Variants in DACH1 observed in about 807,000 individuals in gnomAD.
DACH1 encodes dachshund family transcription factor 1, also known as dachshund homolog 1.
Under a neutral mutation model 54.2 loss-of-function variants are expected in DACH1, and 12 were observed. The ratio of observed to expected loss-of-function variants is 0.22; its 90% CI spans 0.14 to 0.36. The LOEUF is 0.36. Among genes scored for constraint, DACH1 ranks in the 10% least tolerant of loss-of-function variants. DACH1 has a pLI of 1.00. For synonymous variants in DACH1, 386 were observed against 366.2 expected, an observed-to-expected ratio of 1.05 and a Z score of -0.62; for missense variants, 805 against 929.8, an observed-to-expected ratio of 0.87 and a Z score of 1.75.
chr13:71,826,189 C>A (rs1187694479), intron 1 of DACH1, among the ~76,000 whole-genome samples: 2 of 152,016 alleles, frequency 1.3e-5, no homozygotes, highest in African/African-American at 4.8e-5. Flanking sequence ...AACATATTTG[C>A]CAACTTTATC....
intron 6 of DACH1, among the ~76,000 whole-genome samples, chr13:71,515,229 T>C (rs2138267083): frequency 6.6e-6 from 1 of 152,030 alleles, no homozygotes; most frequent in African/African-American, 2.4e-5. Flanking sequence ...AGTAAAAATG[T>C]TAATGTGTTT....
chr13:71,511,203 T>C (rs1593811518), intron 6 of DACH1, among the ~76,000 whole-genome samples: 1 of 152,100 alleles, frequency 6.6e-6, no homozygotes, highest in East Asian at 1.9e-4. Context: ...GGAAGAAAGA[T>C]GAGCATGGTG....
At chr13:71,622,971 T>C (rs1269859954) in intron 3 of DACH1, among the ~76,000 whole-genome samples, 1 of 151,858 alleles carries the variant, frequency 6.6e-6, no homozygotes, top group East Asian at 1.9e-4. Context: ...TGAAGTGGAA[T>C]AGACATCACA....
At chr13:71,549,524 A>G (rs1883671514) in intron 6 of DACH1, among the ~76,000 whole-genome samples, 2 of 152,160 alleles carry the variant, frequency 1.3e-5, no homozygotes, top group East Asian at 1.9e-4. Context: ...CATGAAAATT[A>G]TCAGTAGATA....
At chr13:71,699,874 C>T (rs1414102377) in intron 1 of DACH1, among the ~76,000 whole-genome samples, 1 of 152,162 alleles carries the variant, frequency 6.6e-6, no homozygotes, top group African/African-American at 2.4e-5. Context: ...GCTATAGTCT[C>T]ACTTTATGTC....
intron 10 of DACH1, among the ~76,000 whole-genome samples, chr13:71,455,679 A>G (rs1012274838): frequency 6.6e-5 from 10 of 152,268 alleles, no homozygotes; most frequent in Non-Finnish European, 1.2e-4. Flanking sequence ...ATGAACTGAC[A>G]AAAAGCAAAA....
intron 1 of DACH1, among the ~76,000 whole-genome samples, chr13:71,815,120 A>G (rs1307354673): frequency 6.6e-6 from 1 of 152,218 alleles, no homozygotes; most frequent in East Asian, 1.9e-4. Context: ...TGTATACCAG[A>G]TGCTTGACAC....
intron 1 of DACH1, among the ~76,000 whole-genome samples, chr13:71,757,118 C>A (rs185220278): frequency 3.5e-4 from 53 of 152,128 alleles, no homozygotes; most frequent in African/African-American, 1.3e-3. Context: ...TGACATAAAG[C>A]AAAAATAGTT....
intron 1 of DACH1, among the ~76,000 whole-genome samples, chr13:71,858,709 G>A (rs1048934791): frequency 2.0e-5 from 3 of 151,632 alleles, no homozygotes; most frequent in Non-Finnish European, 3.0e-5. Flanking sequence ...GCATCTATGA[G>A]TTCAACTTTT....
intron 8 of DACH1, among the ~76,000 whole-genome samples, chr13:71,476,677 G>A (rs1387765872): frequency 6.6e-6 from 1 of 151,804 alleles, no homozygotes; most frequent in Non-Finnish European, 1.5e-5. Context: ...TCTCCAACTG[G>A]ACAATTTAAA....
Position 71,735,496 on chromosome 13 carries a change from A to G in DACH1, c.849-53586T>C, listed in dbSNP as rs71451474. On this transcript the variant is annotated intron_variant, in intron 1 of 10. Coordinates refer to ENST00000613252, the MANE Select transcript of DACH1 (RefSeq NM_080759.6). ...GGATATACGTGTATATGGGATATACACGTATACGGGATATACGTGTATATG... is the reference window on the plus strand; with the variant it reads ...GGATATACGTGTATATGGGATATACGCGTATACGGGATATACGTGTATATG... Among the ~76,000 whole-genome samples the G allele has an allele frequency of 8.2e-4, 14 of 17,054 alleles. 7 individuals are homozygous for G. Among genetic ancestry groups the G allele is most frequent in the Non-Finnish European group, 3.9e-3 (8 of 2,054 alleles). The allele number at this position is 17,054 out of a possible 152,430, so 11.2% of individuals were successfully genotyped here.
Position 71,560,286 on chromosome 13 carries a change from A to C in DACH1, c.1300-331T>G, listed in dbSNP as rs572906210. Among the ~76,000 whole-genome samples, 3 of 152,280 alleles carry C rather than the reference A, an allele frequency of 2.0e-5. No individual in the cohort carries two copies. The East Asian group carries it at 5.8e-4, about 29-fold the overall frequency. On this transcript the variant is annotated intron_variant, in intron 4 of 10. Transcript: ENST00000613252. ...TAGACAACAAAGATCTCAGAGAATA[A>C]AGAAGGATTATTTATCATTTTGAAG... is the stretch of plus-strand genomic sequence containing the variant.
In DACH1 at chr13:71,866,521, T is replaced by TCCGCGG; in HGVS notation, c.248_249insCCGCGG (p.Gly83_Gly84insArgGly). ...CGTTGCCGCTGCTGCCGCCGCCGCCTCCGCTGCCGCCGCCGCCGCCGCCGC... is the reference window on the plus strand; with the variant it reads ...CGTTGCCGCTGCTGCCGCCGCCGCCTCCGCGGCCGCTGCCGCCGCCGCCGCCGCCGC... On this transcript the variant is annotated inframe_insertion, in exon 1 of 11. Transcript: ENST00000613252. 9.3e-7 allele frequency: 1 copy of TCCGCGG among 1,076,490 alleles called. No homozygotes were observed. Among genetic ancestry groups the TCCGCGG allele is most frequent in the Middle Eastern group, 3.5e-4 (1 of 2,846 alleles). The allele number at this position is 1,076,490 out of a possible 1,614,324, so 66.7% of individuals were successfully genotyped here. A position where few individuals can be genotyped will look rare whatever the true frequency, so the allele number is the denominator to read the frequency against.
chr13:71,667,739 C>A (rs773129841), intron 2 of DACH1, among the ~76,000 whole-genome samples: 3 of 152,020 alleles, frequency 2.0e-5, no homozygotes, highest in Non-Finnish European at 4.4e-5. Context: ...GAATAGTATC[C>A]TTAAACTTAA....
chr13:71,610,255 T>C (rs1875222187), intron 3 of DACH1, among the ~76,000 whole-genome samples: 1 of 152,204 alleles, frequency 6.6e-6, no homozygotes, highest in Admixed American at 6.5e-5. Context: ...AACTGGACAC[T>C]AAAACAGGGA....
At chr13:71,538,399 CA>C (rs1281916767) in intron 6 of DACH1, among the ~76,000 whole-genome samples, 1 of 144,912 alleles carries the variant, frequency 6.9e-6, no homozygotes, top group Non-Finnish European at 1.5e-5. Flanking sequence ...ACAATTACTT[CA>C]TCAAAATGAT....
chr13:71,800,773 A>T (rs1887259589), intron 1 of DACH1, among the ~76,000 whole-genome samples: 1 of 152,156 alleles, frequency 6.6e-6, no homozygotes, highest in Admixed American at 6.6e-5. Flanking sequence ...TGGTATTTTA[A>T]TAGGATTCAG....
At chr13:71,527,404 G>A (rs541300915) in intron 6 of DACH1, among the ~76,000 whole-genome samples, 18 of 151,944 alleles carry the variant, frequency 1.2e-4, no homozygotes, top group Non-Finnish European at 1.8e-4. Context: ...TTGCAACTTC[G>A]GAGCAACTTG....
At chr13:71,542,495 T>C (rs998689869) in intron 6 of DACH1, among the ~76,000 whole-genome samples, 1 of 152,120 alleles carries the variant, frequency 6.6e-6, no homozygotes, top group African/African-American at 2.4e-5. Context: ...GAAAAATACA[T>C]GTGTCGATAG....
Sources: allele counts gnomAD v4.1 joint callset (sites outside exome capture counted in the v4.1 genomes callset), GRCh38; gene constraint gnomAD v4.1.1; transcripts MANE v1.5; gene names NCBI Gene and HGNC (gene_info 2026-07-23, HGNC 2026-07-21).